Variants in DGKH observed in about 807,000 individuals in gnomAD.
DGKH encodes DAG kinase eta.
In DGKH, 90 loss-of-function variants were observed where a neutral mutation model predicts 159.3. The ratio of observed to expected loss-of-function variants is 0.57; its 90% CI spans 0.48 to 0.67. DGKH has a LOEUF of 0.67. Among genes scored for constraint, DGKH ranks in the 30% least tolerant of loss-of-function variants. DGKH has a pLI of 0.00. For synonymous variants in DGKH, 536 were observed against 553.8 expected (o/e 0.97, Z 0.45); for missense variants, 1,181 against 1,506.1 (o/e 0.78, Z 3.57).
intron 1 of DGKH, among the ~76,000 whole-genome samples, 190 bp downstream of exon 1, chr13:42,049,155 G>GGGGCGGGGCCTGGGGCGC (rs1288603833): frequency 7.0e-6 from 1 of 142,004 alleles, no homozygotes; most frequent in Non-Finnish European, 1.6e-5. Flanking sequence ...ACGGTGAGGC[G>GGGGCGGGGCCTGGGGCGC]GGGCGGGGCC....
chr13:42,137,827 C>A (rs1360741828), intron 3 of DGKH, among the ~76,000 whole-genome samples: 1 of 152,148 alleles, frequency 6.6e-6, no homozygotes, highest in Non-Finnish European at 1.5e-5. Flanking sequence ...TCAGGGCACT[C>A]TTTATTTTAA....
chr13:42,155,699 G>A lies in DGKH; in HGVS notation c.522G>A (p.Gly174=), dbSNP rs775530076. 2.2e-5 allele frequency: 35 copies of A among 1,613,958 alleles called. No individual in the cohort carries two copies. Among genetic ancestry groups the A allele is most frequent in the Admixed American group, 8.3e-5 (5 of 59,996 alleles). Reference sequence around the variant, plus strand: ...AGTTTAATGTGGAACATTTCTCAGGGATGCACAACTGGTACGCCTGCTCCC... The same window carrying A: ...AGTTTAATGTGGAACATTTCTCAGGAATGCACAACTGGTACGCCTGCTCCC... The part of the protein sequence containing the change: ...VAQFNVEHFS[G]MHNWYACSHA... Residue 174 remains glycine (G), a synonymous_variant, in exon 5 of 30, where the codon GGG becomes GGA. Coordinates refer to ENST00000337343, the MANE Select transcript of DGKH (RefSeq NM_178009.5).
chr13:42,064,137 A>C (rs1355818071), intron 1 of DGKH, among the ~76,000 whole-genome samples: 2 of 152,128 alleles, frequency 1.3e-5, no homozygotes, highest in Non-Finnish European at 2.9e-5. Flanking sequence ...CTTTATCCAT[A>C]AAATGCAGTA....
intron 29 of DGKH, among the ~76,000 whole-genome samples, chr13:42,250,553 G>T (rs1457619690): frequency 6.6e-6 from 1 of 152,152 alleles, no homozygotes; most frequent in Non-Finnish European, 1.5e-5. Flanking sequence ...CAATAATGTT[G>T]AAGAACCTGG....
intron 11 of DGKH, 144 bp downstream of exon 11, chr13:42,168,962 G>GGATC: frequency 1.1e-6 from 1 of 880,626 alleles, no homozygotes; most frequent in African/African-American, 1.7e-5. Context: ...TTGTCCACTG[G>GGATC]TTAATCCCTG....
chr13:42,079,422 C>T (rs1954159623), intron 1 of DGKH, among the ~76,000 whole-genome samples: 1 of 152,064 alleles, frequency 6.6e-6, no homozygotes, highest in African/African-American at 2.4e-5. Flanking sequence ...ATACAGTGTA[C>T]CCACTAACCA....
At chr13:42,220,328 T>C (rs1957932958) in intron 28 of DGKH, among the ~76,000 whole-genome samples, 1 of 152,210 alleles carries the variant, frequency 6.6e-6, no homozygotes, top group Admixed American at 6.5e-5. Context: ...AATGACAATA[T>C]GCTGTGATAC....
chr13:42,202,817 A>G (rs1566187154), intron 20 of DGKH, among the ~76,000 whole-genome samples: 1 of 152,218 alleles, frequency 6.6e-6, no homozygotes, highest in Non-Finnish European at 1.5e-5. Context: ...GAAGAATTGT[A>G]TTAAAATTCC....
intron 24 of DGKH, among the ~76,000 whole-genome samples, chr13:42,214,008 A>G (rs942082504): frequency 2.6e-5 from 4 of 152,176 alleles, no homozygotes; most frequent in Admixed American, 2.6e-4. Flanking sequence ...CCTCAATGTC[A>G]TCATCAATAA....
At chr13:42,144,696 G>T (rs1277946572) in intron 3 of DGKH, among the ~76,000 whole-genome samples, 1 of 150,054 alleles carries the variant, frequency 6.7e-6, no homozygotes, top group African/African-American at 2.4e-5. Flanking sequence ...AAAAAAAAAA[G>T]AAAGAAAGAA....
intron 7 of DGKH, among the ~76,000 whole-genome samples, chr13:42,161,640 C>T (rs1450746191): frequency 6.6e-6 from 1 of 151,786 alleles, no homozygotes; most frequent in Non-Finnish European, 1.5e-5. Context: ...ATTAGCTGGG[C>T]GTGGTGGTGG....
At chr13:42,049,446 G>C (rs952250748) in intron 1 of DGKH, among the ~76,000 whole-genome samples, 1 of 152,258 alleles carries the variant, frequency 6.6e-6, no homozygotes, top group Admixed American at 6.5e-5. Context: ...CAACCAGCCT[G>C]CGCTGCAGTG....
intron 11 of DGKH, among the ~76,000 whole-genome samples, chr13:42,171,832 T>TTTC (rs1222293754): frequency 1.4e-5 from 2 of 145,154 alleles, no homozygotes; most frequent in East Asian, 4.0e-4. Flanking sequence ...AAATTTCTTT[T>TTTC]TTTTTTTTTT....
At chr13:42,184,317 G>A (rs1445905536) in intron 13 of DGKH, among the ~76,000 whole-genome samples, 1 of 152,144 alleles carries the variant, frequency 6.6e-6, no homozygotes, top group Non-Finnish European at 1.5e-5. Context: ...TGTAGTATGT[G>A]CATATTTTAC....
intron 16 of DGKH, among the ~76,000 whole-genome samples, chr13:42,191,518 G>T (rs1957065011): frequency 6.6e-6 from 1 of 152,000 alleles, no homozygotes; most frequent in South Asian, 2.1e-4. Flanking sequence ...TATAAAAAAA[G>T]AAATTGTCTT....
At chr13:42,211,387 G>A (rs139742228) in intron 24 of DGKH, among the ~76,000 whole-genome samples, 79 of 152,176 alleles carry the variant, frequency 5.2e-4, no homozygotes, top group African/African-American at 1.8e-3. Flanking sequence ...ACCTGAGACC[G>A]GGTAATTTAT....
upstream of DGKH, among the ~76,000 whole-genome samples, chr13:42,046,964 C>T (rs140680872): frequency 1.3e-5 from 2 of 152,310 alleles, no homozygotes; most frequent in Non-Finnish European, 2.9e-5. Context: ...TTGTCCATGA[C>T]CAAACAGGTG....
chr13:42,209,064 A>G lies in DGKH; in HGVS notation c.2707A>G (p.Ile903Val). The G allele has an allele frequency of 6.2e-7, 1 of 1,610,060 alleles. No individual in the cohort carries two copies. Among genetic ancestry groups the G allele is most frequent in the Non-Finnish European group, 8.5e-7 (1 of 1,178,124 alleles). Residue 903 changes from isoleucine (I) to valine (V), a missense_variant, in exon 22 of 30, where the codon ATA becomes GTA. Ile to Val is a conservative substitution (Grantham distance 29). Transcript: ENST00000337343. ...GGTCATTAAACTGCAGCATCATCGA[A>G]TAGCCCAGGTTGGTTTCTCTCGTCA... is the stretch of plus-strand genomic sequence containing the variant. ...SRVIKLQHHR[I>V]AQCRTVKITI...
intron 26 of DGKH, among the ~76,000 whole-genome samples, chr13:42,216,315 A>G (rs1013599848): frequency 6.6e-6 from 1 of 152,228 alleles, no homozygotes; most frequent in Non-Finnish European, 1.5e-5. Flanking sequence ...GCCGCCACCT[A>G]GAGTTCGGTT....
Sources: allele counts gnomAD v4.1 joint callset (sites outside exome capture counted in the v4.1 genomes callset), GRCh38; gene constraint gnomAD v4.1.1; transcripts MANE v1.5; gene names NCBI Gene and HGNC (gene_info 2026-07-23, HGNC 2026-07-21).